CAMTA1: variants seen among roughly 807,000 people sequenced by gnomAD.
CAMTA1 encodes calmodulin-binding transcription activator 1.
Under a neutral mutation model 170.9 loss-of-function variants are expected in CAMTA1, and 27 were observed. The ratio of observed to expected loss-of-function variants is 0.16; its 90% CI spans 0.12 to 0.22. CAMTA1 has a LOEUF of 0.22. Among genes scored for constraint, CAMTA1 ranks in the 10% least tolerant of loss-of-function variants. The pLI, the probability that CAMTA1 is intolerant of heterozygous loss-of-function variation, is 1.00. For synonymous variants in CAMTA1, 833 were observed against 891.5 expected, an observed-to-expected ratio of 0.93 and a Z score of 1.17; for missense variants, 1,619 against 2,217.2, an observed-to-expected ratio of 0.73 and a Z score of 5.42.
At chr1:6,932,192 C>T (rs149418833) in intron 3 of CAMTA1, among the ~76,000 whole-genome samples, 7 of 152,320 alleles carry the variant, frequency 4.6e-5, no homozygotes, top group African/African-American at 1.2e-4. Context: ...GGCCTCCCCC[C>T]TCCTCGCCAG....
chr1:6,995,768 A>T (rs1313243525), intron 3 of CAMTA1, among the ~76,000 whole-genome samples: 36 of 152,166 alleles, frequency 2.4e-4, no homozygotes, highest in Admixed American at 2.4e-3. Flanking sequence ...GGAGAGCACC[A>T]GGAGTGGTCA....
intron 5 of CAMTA1, among the ~76,000 whole-genome samples, chr1:7,270,530 A>C (rs1459549130): frequency 6.6e-6 from 1 of 152,068 alleles, no homozygotes; most frequent in Non-Finnish European, 1.5e-5. Flanking sequence ...TCCTGACCTC[A>C]GGTGATCCGC....
At chr1:7,006,699 G>A (rs982185272) in intron 3 of CAMTA1, among the ~76,000 whole-genome samples, 2 of 152,100 alleles carry the variant, frequency 1.3e-5, no homozygotes, top group Non-Finnish European at 2.9e-5. Flanking sequence ...CATCCTTCCC[G>A]GAGGACTGTC....
intron 3 of CAMTA1, among the ~76,000 whole-genome samples, chr1:6,902,079 A>AAAAAT (rs1553180498): frequency 4.0e-5 from 3 of 75,284 alleles, no homozygotes; most frequent in African/African-American, 1.1e-4. Context: ...ACACAAAAAA[A>AAAAAT]AAAATAAAAA....
At chr1:6,858,486 T>TGGG (rs70984029) in intron 3 of CAMTA1, among the ~76,000 whole-genome samples, 4,567 of 89,332 alleles carry the variant, frequency 0.051, 371 homozygotes, top group Admixed American at 0.1. Flanking sequence ...GTGTGTGTGT[T>TGGG]GGGGGGGGGG....
At chr1:6,897,554 A>C (rs1323114445) in intron 3 of CAMTA1, among the ~76,000 whole-genome samples, 1 of 148,162 alleles carries the variant, frequency 6.7e-6, no homozygotes, top group African/African-American at 2.5e-5. Flanking sequence ...TGGTTTAGTC[A>C]ACTGAATGTT....
chr1:7,467,943 C>T (rs1254689072), intron 6 of CAMTA1, 42 bp downstream of exon 6: 14 of 1,542,670 alleles, frequency 9.1e-6, no homozygotes, highest in Admixed American at 6.7e-5. Flanking sequence ...CTCTGGTGCT[C>T]GGGAAGGGTC....
chr1:7,580,264 TG>T lies in CAMTA1; in HGVS notation c.511-60130del, dbSNP rs778680363. On this transcript the variant is annotated intron_variant, in intron 6 of 22. Transcript: ENST00000303635. This position sits in a 1 kb window ranked among gnomAD's most constrained non-coding sequence, Gnocchi z 4.3. ...CTGGGGCTGTGGAGGCTGAGGCTCC[TG>T]GGGGGTTGTCCACATCTGGACCGTG... Among the ~76,000 whole-genome samples, 22 of 152,042 alleles carry T rather than the reference TG, an allele frequency of 1.4e-4. No individual in the cohort carries two copies. The East Asian group carries it at 3.3e-3, about 23-fold the overall frequency.
At chr1:7,472,754 A>T (rs982328023) in intron 6 of CAMTA1, among the ~76,000 whole-genome samples, 1 of 151,888 alleles carries the variant, frequency 6.6e-6, no homozygotes, top group Non-Finnish European at 1.5e-5. Flanking sequence ...GGGTGCCATC[A>T]CCCCCTAGAG....
At chr1:7,391,692 A>G (rs2088738791) in intron 5 of CAMTA1, among the ~76,000 whole-genome samples, 1 of 152,182 alleles carries the variant, frequency 6.6e-6, no homozygotes, top group African/African-American at 2.4e-5. Context: ...GCCTCTGGGA[A>G]TGAATGGCCT....
Position 7,673,233 on chromosome 1 carries a change from G to A in CAMTA1, c.2779+2196G>A, listed in dbSNP as rs1002095041. 1.3e-5 allele frequency among the ~76,000 whole-genome samples: 2 copies of A among 152,196 alleles called. No homozygotes were observed. Among genetic ancestry groups the A allele is most frequent in the Admixed American group, 6.5e-5 (1 of 15,290 alleles). On this transcript the variant is annotated intron_variant, in intron 10 of 22. Coordinates refer to ENST00000303635, the MANE Select transcript of CAMTA1 (RefSeq NM_015215.4). The surrounding 1 kb of genome is among the most constrained non-coding windows in gnomAD (Gnocchi z 4.6). ...GAAAGGCTGGGCTTTGTGTGGCCCC[G>A]GGGCTGGAGTCAGCCACACTCGGGT... is the stretch of plus-strand genomic sequence containing the variant.
rs990205079 is a variant in CAMTA1 at position 7,580,671 on chromosome 1, G to A, written c.511-59729G>A. ...CAAAGGTCCCTGGGCACCTGGCCCC[G>A]AGGCTGGCTGTGCCCAGCACTGTGC... On this transcript the variant is annotated intron_variant, in intron 6 of 22. Transcript: ENST00000303635. This position sits in a 1 kb window ranked among gnomAD's most constrained non-coding sequence, Gnocchi z 4.3. 5.9e-5 allele frequency among the ~76,000 whole-genome samples: 9 copies of A among 152,170 alleles called. No homozygotes were observed. Among genetic ancestry groups the A allele is most frequent in the South Asian group, 2.1e-4 (1 of 4,824 alleles).
intron 5 of CAMTA1, among the ~76,000 whole-genome samples, chr1:7,427,436 C>T (rs965955285): frequency 6.6e-6 from 1 of 152,222 alleles, no homozygotes; most frequent in Admixed American, 6.5e-5. Flanking sequence ...CTGATTGTCA[C>T]TCCTGCCAGC....
chr1:7,724,909 G>C (rs2096673766), intron 11 of CAMTA1, among the ~76,000 whole-genome samples: 2 of 151,510 alleles, frequency 1.3e-5, no homozygotes, highest in African/African-American at 4.9e-5. Flanking sequence ...CCATTTTACA[G>C]ATGAGAAAAT....
At chr1:7,077,732 C>T (rs1327667832) in intron 3 of CAMTA1, among the ~76,000 whole-genome samples, 1 of 151,938 alleles carries the variant, frequency 6.6e-6, no homozygotes, top group Non-Finnish European at 1.5e-5. Flanking sequence ...TGCAAGGAAA[C>T]GTGGTTGCTC....
chr1:7,057,101 C>G (rs1707453964), intron 3 of CAMTA1, among the ~76,000 whole-genome samples: 2 of 152,190 alleles, frequency 1.3e-5, no homozygotes, highest in African/African-American at 4.8e-5. Context: ...AGACCGAGCC[C>G]CTGGCCCTCT....
chr1:6,908,230 A>G (rs1401413386), intron 3 of CAMTA1, among the ~76,000 whole-genome samples: 1 of 152,196 alleles, frequency 6.6e-6, no homozygotes, highest in Non-Finnish European at 1.5e-5. Context: ...TGTCCCCTCC[A>G]GGGTGCCAAG....
chr1:7,569,476 T>C (rs1289274072), intron 6 of CAMTA1, among the ~76,000 whole-genome samples: 2 of 150,812 alleles, frequency 1.3e-5, no homozygotes, highest in African/African-American at 2.4e-5. Context: ...ATCTCCATCA[T>C]CATCATGATC....
chr1:6,899,523 A>G (rs1571503465), intron 3 of CAMTA1, among the ~76,000 whole-genome samples: 1 of 151,820 alleles, frequency 6.6e-6, no homozygotes, highest in East Asian at 1.9e-4. Context: ...GCTGTTAAAA[A>G]ATTATATGTG....
Sources: gnomAD v4.1 joint callset for allele counts (sites outside exome capture counted in the v4.1 genomes callset) on GRCh38, gnomAD v4.1.1 for gene constraint, Gnocchi (gnomAD v3.1) non-coding constraint, MANE v1.5 for transcripts, NCBI Gene and HGNC (gene_info 2026-07-23, HGNC 2026-07-21) for gene names.